Variants in GPM6B observed in about 807,000 individuals in gnomAD.
The protein encoded by GPM6B is glycoprotein M6B.
GPM6B carries 4 observed loss-of-function variants against 27.2 expected under a neutral mutation model. That is an observed-to-expected ratio of 0.15 (90% CI 0.07 to 0.34). The LOEUF (loss-of-function observed/expected upper bound fraction) is 0.34, where lower values mean the gene tolerates loss of function less well. GPM6B is among the 10% of genes least tolerant of loss of function. The pLI, the probability that GPM6B is intolerant of heterozygous loss-of-function variation, is 1.00. For missense variants in GPM6B, 183 were observed against 261.9 expected (o/e 0.70, Z 2.08); for synonymous variants, 124 against 103.1 (o/e 1.20, Z -1.23).
rs1033643858 is a variant in GPM6B at position 13,774,488 on chromosome X, A to G, written c.838-1458T>C. On this transcript the variant is annotated intron_variant, in intron 7 of 7. Transcript: ENST00000316715. Reference sequence around the variant, plus strand: ...AAACCTAGACTCTGCTTTAGTCTGGAGTGTCAGTGATATTTCATGCTACAG... The same window carrying G: ...AAACCTAGACTCTGCTTTAGTCTGGGGTGTCAGTGATATTTCATGCTACAG... 1.5e-5 allele frequency: 18 copies of G among 1,203,329 alleles called. No individual in the cohort carries two copies. The African/African-American group carries it at 2.6e-4, about 18-fold the overall frequency.
intron 1 of GPM6B, among the ~76,000 whole-genome samples, chrX:13,890,016 C>G (rs1603115739): frequency 1.8e-5 from 2 of 111,398 alleles, no homozygotes; most frequent in Admixed American, 1.9e-4. Flanking sequence ...CAGAGCAACT[C>G]CATCTTAAAT....
At position 13,792,440 on chromosome X, in the gene GPM6B, G is replaced by A. The variant is rs144788943; in HGVS notation, c.182-6632C>T. ...ATTTTGCCACCCAGGGACATTTAGC[G>A]GTGTCTGGAGACAGTTTTGGTTGTT... On this transcript the variant is annotated intron_variant, in intron 2 of 7. Coordinates refer to ENST00000316715, the MANE Select transcript of GPM6B (RefSeq NM_001001995.3). 3.4e-3 allele frequency among the ~76,000 whole-genome samples: 375 copies of A among 111,466 alleles called. 1 individual carries two copies. Among genetic ancestry groups the A allele is most frequent in the African/African-American group, 0.011 (347 of 30,656 alleles).
upstream of GPM6B, among the ~76,000 whole-genome samples, chrX:13,821,163 G>A (rs768109147): frequency 3.6e-5 from 4 of 111,653 alleles, no homozygotes; most frequent in Non-Finnish European, 7.5e-5. Flanking sequence ...TCTGTGAGAA[G>A]GCTGAATGAT....
intron 2 of GPM6B, among the ~76,000 whole-genome samples, chrX:13,793,431 G>A (rs1167688621): frequency 9.0e-6 from 1 of 111,058 alleles, no homozygotes. Flanking sequence ...AGGATCTCCC[G>A]AGGCTGTGTC....
chrX:13,868,422 T>C (rs1210496650), intron 1 of GPM6B, among the ~76,000 whole-genome samples: 1 of 112,027 alleles, frequency 8.9e-6, no homozygotes, highest in African/African-American at 3.2e-5. Context: ...CTTTAAAATC[T>C]GATCCAAGTC....
In GPM6B at chrX:13,783,303, A is replaced by C. The variant is rs773987237; in HGVS notation, c.525+62T>G. 4.8e-5 allele frequency: 48 copies of C among 995,435 alleles called. No homozygotes were observed. The South Asian group carries it at 9.8e-4, about 20-fold the overall frequency. The allele number at this position is 995,435 out of a possible 1,213,427, so 82.0% of individuals were successfully genotyped here. On this transcript the variant is annotated intron_variant, in intron 4 of 7. Transcript: ENST00000316715. ...TGGTAGCTTTTGCCAAATACAAGGA[A>C]ATACATCAAGGCATGGCTCTGGTTG...
chrX:13,779,879 C>G lies in GPM6B; in HGVS notation c.636G>C (p.Lys212Asn). 1.7e-6 allele frequency: 2 copies of G among 1,202,332 alleles called. No individual in the cohort carries two copies. Among genetic ancestry groups the G allele is most frequent in the Non-Finnish European group, 2.3e-6 (2 of 888,545 alleles). ...CCGTGGTCCCGTTGGTCTGCGGTGA[C>G]TTGATGACTTCACAAGTTGACCATA... The part of the protein sequence containing the change: ...YNIWSTCEVI[K>N]SPQTNGTTGV... Residue 212 changes from lysine to asparagine, a missense_variant, in exon 5 of 8, where the codon AAG becomes AAC. Transcript: ENST00000316715.
chrX:13,856,311 A>G (rs17311105), intron 1 of GPM6B, among the ~76,000 whole-genome samples: 1,932 of 111,678 alleles, frequency 0.017, 38 homozygotes, highest in East Asian at 0.15. Context: ...ACCAAAGGCA[A>G]TAAAGGAAAG....
At chrX:13,879,285 T>A (rs947222742) in intron 1 of GPM6B, among the ~76,000 whole-genome samples, 1 of 112,085 alleles carries the variant, frequency 8.9e-6, no homozygotes, top group Admixed American at 9.4e-5. Context: ...AAGATCCACA[T>A]AAGAACAGAT....
At chrX:13,919,186 G>A (rs1017526743) in intron 1 of GPM6B, among the ~76,000 whole-genome samples, 14 of 111,622 alleles carry the variant, frequency 1.3e-4, no homozygotes, top group Non-Finnish European at 2.6e-4. Context: ...GTAGCTCTAT[G>A]ACTTCTGTTT....
chrX:13,820,935 G>T (rs937283056), upstream of GPM6B, among the ~76,000 whole-genome samples: 7 of 111,221 alleles, frequency 6.3e-5, no homozygotes, highest in Admixed American at 1.9e-4. Flanking sequence ...AAATGTAAAG[G>T]TAAAGGAAAA....
Position 13,807,175 on chromosome X carries a change from A to G in GPM6B, c.181+475T>C, listed in dbSNP as rs138942830. On this transcript the variant is annotated intron_variant, in intron 2 of 7. Coordinates refer to ENST00000316715, the MANE Select transcript of GPM6B (RefSeq NM_001001995.3). ...CTTTGATTTCTCTTTCTCAAAGGCA[A>G]TGACTGAGGTGAGAGGGTGGTGCAG... 3.6e-4 allele frequency among the ~76,000 whole-genome samples: 40 copies of G among 112,313 alleles called. No homozygotes were observed. The Middle Eastern group carries it at 0.023, about 64-fold the overall frequency.
intron 1 of GPM6B, among the ~76,000 whole-genome samples, chrX:13,935,019 A>G (rs547965082): frequency 1.8e-5 from 2 of 111,820 alleles, no homozygotes; most frequent in African/African-American, 6.5e-5. Flanking sequence ...CAAGATCGCT[A>G]GATGATCTGT....
Position 13,789,986 on chromosome X carries a change from C to T in GPM6B, c.182-4178G>A, listed in dbSNP as rs552652550. Among the ~76,000 whole-genome samples, 45 of 112,006 alleles carry T rather than the reference C, an allele frequency of 4.0e-4. No homozygotes were observed. In the South Asian group the frequency reaches 0.015, roughly 38 times the overall value. ...TCAGCCTCCCAAGTAGCTGGGACCACAGGCCCATGCCACTGCACCCAGCTC... is the reference window on the plus strand; with the variant it reads ...TCAGCCTCCCAAGTAGCTGGGACCATAGGCCCATGCCACTGCACCCAGCTC... On this transcript the variant is annotated intron_variant, in intron 2 of 7. Coordinates refer to ENST00000316715, the MANE Select transcript of GPM6B (RefSeq NM_001001995.3).
At chrX:13,924,133 G>A (rs1284394509) in intron 1 of GPM6B, among the ~76,000 whole-genome samples, 1 of 111,803 alleles carries the variant, frequency 8.9e-6, no homozygotes, top group Non-Finnish European at 1.9e-5. Context: ...CCAACACAGA[G>A]TACAATTGCT....
chrX:13,789,611 T>C (rs1216367514), intron 2 of GPM6B, among the ~76,000 whole-genome samples: 1 of 110,333 alleles, frequency 9.1e-6, no homozygotes, highest in Non-Finnish European at 1.9e-5. Flanking sequence ...CCGTCTCTAC[T>C]AAAAATACAA....
chrX:13,921,826 C>A (rs995577976), intron 1 of GPM6B, among the ~76,000 whole-genome samples: 1 of 111,588 alleles, frequency 9.0e-6, no homozygotes, highest in African/African-American at 3.3e-5. Flanking sequence ...ATCCACCTGC[C>A]TCGGCCTCCC....
intron 2 of GPM6B, among the ~76,000 whole-genome samples, chrX:13,791,026 T>A (rs771864034): frequency 8.9e-6 from 1 of 112,092 alleles, no homozygotes; most frequent in Non-Finnish European, 1.9e-5. Context: ...GTTAAAAGTT[T>A]ACGATAGCTA....
chrX:13,817,307 C>T, upstream of GPM6B: 1 of 753,434 alleles, frequency 1.3e-6, no homozygotes, highest in Non-Finnish European at 1.6e-6. Flanking sequence ...CTCGATCTCT[C>T]TCTCTCTCTC....
Sources: allele counts gnomAD v4.1 joint callset (sites outside exome capture counted in the v4.1 genomes callset), GRCh38; gene constraint gnomAD v4.1.1; transcripts MANE v1.5; gene names NCBI Gene and HGNC (gene_info 2026-07-23, HGNC 2026-07-21).